VGLL4: variants seen among roughly 807,000 people sequenced by gnomAD.
The protein encoded by VGLL4 is transcription cofactor vestigial-like protein 4.
In VGLL4, 7 loss-of-function variants were observed where a neutral mutation model predicts 21.0. That is an observed-to-expected ratio of 0.33 (90% CI 0.19 to 0.63). VGLL4 has a LOEUF of 0.63. Among genes scored for constraint, VGLL4 ranks in the 20% least tolerant of loss-of-function variants. The pLI, the probability that VGLL4 is intolerant of heterozygous loss-of-function variation, is 0.78. For missense variants in VGLL4, 394 were observed against 425.7 expected, an observed-to-expected ratio of 0.93 and a Z score of 0.66; for synonymous variants, 222 against 173.2, an observed-to-expected ratio of 1.28 and a Z score of -2.21.
At chr3:11,703,091 T>C (rs2076706760) in intron 1 of VGLL4, 2 of 1,521,560 alleles carry the variant, frequency 1.3e-6, no homozygotes, top group East Asian at 2.4e-5. Context: ...TTAAACAGAA[T>C]TCAAAAGACT....
chr3:11,604,387 C>T (rs1176053111), intron 1 of VGLL4: 21 of 956,924 alleles, frequency 2.2e-5, no homozygotes, highest in Non-Finnish European at 2.3e-5. Flanking sequence ...AATCAGACAA[C>T]GCCTCATCCT....
chr3:11,632,979 C>T (rs1008614451), intron 1 of VGLL4: 1 of 152,202 alleles, frequency 6.6e-6, no homozygotes, highest in African/African-American at 2.4e-5. Flanking sequence ...ATCAAGCAGC[C>T]AACTTCAAAT....
At chr3:11,718,487 T>C (rs963332816) in intron 1 of VGLL4, among the ~76,000 whole-genome samples, 24 of 152,258 alleles carry the variant, frequency 1.6e-4, no homozygotes, top group Middle Eastern at 3.4e-3. Context: ...CTTCATTAGA[T>C]GCAAGCAGGA....
intron 1 of VGLL4, among the ~76,000 whole-genome samples, chr3:11,609,998 GC>G (rs978831853): frequency 6.6e-6 from 1 of 152,106 alleles, no homozygotes; most frequent in Non-Finnish European, 1.5e-5. Context: ...TTTACGTTCA[GC>G]CCCCCTCCCA....
intron 2 of VGLL4, among the ~76,000 whole-genome samples, chr3:11,592,222 CT>C: frequency 6.6e-6 from 1 of 152,244 alleles, no homozygotes; most frequent in Non-Finnish European, 1.5e-5. Flanking sequence ...CAGTTTGAAT[CT>C]TTTAGGCTAA....
intron 1 of VGLL4, among the ~76,000 whole-genome samples, 179 bp downstream of exon 1, chr3:11,643,258 C>G (rs1479273724): frequency 6.6e-6 from 1 of 152,172 alleles, no homozygotes; most frequent in Non-Finnish European, 1.5e-5. Flanking sequence ...CCTCCACCGC[C>G]CCCCGCAGCC....
chr3:11,658,386 C>T (rs2075986555), intron 2 of VGLL4, among the ~76,000 whole-genome samples: 1 of 151,958 alleles, frequency 6.6e-6, no homozygotes, highest in Admixed American at 6.5e-5. Flanking sequence ...CAAGCTAGAA[C>T]ATTTCTAGTT....
chr3:11,637,934 G>T (rs963049921), intron 1 of VGLL4, among the ~76,000 whole-genome samples: 3 of 152,168 alleles, frequency 2.0e-5, no homozygotes, highest in African/African-American at 7.2e-5. Context: ...GCTTCAATGT[G>T]CAATAATAAA....
intron 1 of VGLL4, among the ~76,000 whole-genome samples, chr3:11,708,277 G>A (rs541130509): frequency 6.6e-6 from 1 of 152,332 alleles, no homozygotes; most frequent in South Asian, 2.1e-4. Flanking sequence ...AAAATGACAG[G>A]GCACTGTCCA....
intron 3 of VGLL4, among the ~76,000 whole-genome samples, chr3:11,562,818 G>C (rs78694398): frequency 6.6e-6 from 1 of 152,230 alleles, no homozygotes; most frequent in Non-Finnish European, 1.5e-5. Flanking sequence ...GGGGTACCCC[G>C]TGGCCCCTGG....
At chr3:11,707,150 T>TAA (rs34457081) in intron 1 of VGLL4, among the ~76,000 whole-genome samples, 10 of 139,708 alleles carry the variant, frequency 7.2e-5, no homozygotes, top group South Asian at 2.3e-4. Flanking sequence ...ACCCCATTTC[T>TAA]AAAAAAAAAA....
intron 2 of VGLL4, among the ~76,000 whole-genome samples, chr3:11,701,988 ATAT>A (rs1380427837): frequency 6.6e-6 from 1 of 152,136 alleles, no homozygotes; most frequent in Non-Finnish European, 1.5e-5. Context: ...TAATCTTCCA[ATAT>A]TGTTCCTTTC....
In VGLL4 at chr3:11,719,473, A is replaced by C. The variant is rs939864069; in HGVS notation, c.-14+921T>G. ...GCCGGCCTGGCCCTGCGGGGGACCCAGGGGCGGGGACGGGACCTGGGCACG... is the reference window on the plus strand; with the variant it reads ...GCCGGCCTGGCCCTGCGGGGGACCCCGGGGCGGGGACGGGACCTGGGCACG... On this transcript the variant is annotated intron_variant, in intron 1 of 5. Coordinates refer to the VGLL4 transcript ENST00000273038. This position sits in a 1 kb window ranked among gnomAD's most constrained non-coding sequence, Gnocchi z 4.0. 4 of 150,976 alleles carry C rather than the reference A, an allele frequency of 2.6e-5. No homozygotes were observed. Among genetic ancestry groups the C allele is most frequent in the Non-Finnish European group, 3.0e-5 (2 of 67,676 alleles). 9.4% of individuals were successfully genotyped at this position (150,976 alleles called of 1,614,324 possible).
chr3:11,642,311 T>G (rs932919215), intron 1 of VGLL4, among the ~76,000 whole-genome samples: 2 of 152,238 alleles, frequency 1.3e-5, no homozygotes, highest in Non-Finnish European at 2.9e-5. Flanking sequence ...AGGGTTGTTG[T>G]TGTTTTTTTT....
At chr3:11,586,187 A>T (rs1327771919) in intron 2 of VGLL4, among the ~76,000 whole-genome samples, 2 of 152,278 alleles carry the variant, frequency 1.3e-5, no homozygotes, top group Non-Finnish European at 2.9e-5. Flanking sequence ...ATGTGAGATC[A>T]TATCATTGTC....
At chr3:11,654,925 T>C (rs1251126458) in intron 2 of VGLL4, among the ~76,000 whole-genome samples, 1 of 152,232 alleles carries the variant, frequency 6.6e-6, no homozygotes, top group African/African-American at 2.4e-5. Flanking sequence ...AGTCAAATAA[T>C]GGCCAATACC....
chr3:11,613,082 T>C (rs1317818452), intron 1 of VGLL4, among the ~76,000 whole-genome samples: 1 of 151,636 alleles, frequency 6.6e-6, no homozygotes, highest in Non-Finnish European at 1.5e-5. Context: ...AAAAGAGGCT[T>C]GTTCAAACCT....
chr3:11,649,894 T>TGTTTG lies in VGLL4; in HGVS notation c.65-47873_65-47872insCAAAC, dbSNP rs1559923471. Among the ~76,000 whole-genome samples the TGTTTG allele has an allele frequency of 4.6e-3, 619 of 134,994 alleles. 5 individuals carry two copies. The highest frequency in any genetic ancestry group is 0.018 in the African/African-American group (562 of 31,870). The allele number at this position is 134,994 out of a possible 152,430, so 88.6% of individuals were successfully genotyped here. ...ACTCCCCCACAGCACACAAGTGCTC[T>TGTTTG]ATTTGGTTTGGTTTGGTTTGGTTTG... On this transcript the variant is annotated intron_variant, in intron 2 of 5. Coordinates refer to the VGLL4 transcript ENST00000273038.
At chr3:11,710,155 T>G (rs1420717939) in intron 1 of VGLL4, among the ~76,000 whole-genome samples, 1 of 152,186 alleles carries the variant, frequency 6.6e-6, no homozygotes, top group African/African-American at 2.4e-5. Flanking sequence ...AAACCATTCA[T>G]GAGGGATCGC....
Sources: gnomAD v4.1 joint callset for allele counts (sites outside exome capture counted in the v4.1 genomes callset) on GRCh38, gnomAD v4.1.1 for gene constraint, Gnocchi (gnomAD v3.1) non-coding constraint, MANE v1.5 for transcripts, NCBI Gene and HGNC (gene_info 2026-07-23, HGNC 2026-07-21) for gene names.